IQSEC1: variants seen among roughly 807,000 people sequenced by gnomAD.
IQSEC1 encodes IQ motif and Sec7 domain ArfGEF 1, also known as IQ motif and SEC7 domain-containing protein 1.
IQSEC1 carries 31 observed loss-of-function variants against 91.0 expected under a neutral mutation model. That is an observed-to-expected ratio of 0.34 (90% CI 0.26 to 0.46). The LOEUF (loss-of-function observed/expected upper bound fraction) is 0.46. Ranked by LOEUF, IQSEC1 falls within the 20% of genes least tolerant of loss-of-function variation. The pLI is 1.00. For missense variants in IQSEC1, 1,388 were observed against 1,575.6 expected (o/e 0.88, Z 2.02); for synonymous variants, 699 against 662.6 (o/e 1.05, Z -0.84).
At chr3:13,090,148 G>A (rs1000953256) in intron 2 of IQSEC1, among the ~76,000 whole-genome samples, 1 of 152,006 alleles carries the variant, frequency 6.6e-6, no homozygotes, top group Non-Finnish European at 1.5e-5. Flanking sequence ...AACCTGGGAG[G>A]CGGAGCTTGC....
In IQSEC1 at chr3:12,909,920, C is replaced by T. The variant is rs746716753; in HGVS notation, c.2417-486G>A. Among the ~76,000 whole-genome samples, 19 of 152,194 alleles carry T rather than the reference C, an allele frequency of 1.2e-4. No homozygotes were observed. The highest frequency in any genetic ancestry group is 2.5e-4 in the Non-Finnish European group (17 of 68,036). Reference sequence around the variant, plus strand: ...GGGCTTTGGTCTCCTGGCGGTGCTGCTCCGGCAGTGGGAGTCACTGGCAGA... The same window carrying T: ...GGGCTTTGGTCTCCTGGCGGTGCTGTTCCGGCAGTGGGAGTCACTGGCAGA... On this transcript the variant is annotated intron_variant, in intron 10 of 13. Coordinates refer to ENST00000613206, the MANE Select transcript of IQSEC1 (RefSeq NM_001134382.3). The surrounding 1 kb of genome is among the most constrained non-coding windows in gnomAD (Gnocchi z 4.9).
intron 1 of IQSEC1, among the ~76,000 whole-genome samples, chr3:13,165,806 C>T (rs1693484281): frequency 6.6e-6 from 1 of 152,032 alleles, no homozygotes; most frequent in African/African-American, 2.4e-5. Flanking sequence ...GCAGAGCCAC[C>T]AGCCACACTG....
intron 1 of IQSEC1, among the ~76,000 whole-genome samples, chr3:13,067,609 C>T (rs973763936): frequency 6.6e-6 from 1 of 152,242 alleles, no homozygotes; most frequent in African/African-American, 2.4e-5. Context: ...CCCCCAACAC[C>T]TGGGCCCCCT....
At chr3:12,942,187 G>A (rs1300225273) in intron 1 of IQSEC1, among the ~76,000 whole-genome samples, 7 of 152,344 alleles carry the variant, frequency 4.6e-5, no homozygotes, top group South Asian at 2.1e-4. Context: ...CCACTGGGTC[G>A]CTGATCACCC....
At chr3:12,999,020 T>A (rs1271315423) in intron 1 of IQSEC1, among the ~76,000 whole-genome samples, 1 of 152,188 alleles carries the variant, frequency 6.6e-6, no homozygotes, top group East Asian at 1.9e-4. Flanking sequence ...CATTTAAGTA[T>A]TTTTTGCATG....
At chr3:13,099,361 A>T (rs968734940) in intron 2 of IQSEC1, among the ~76,000 whole-genome samples, 1 of 152,232 alleles carries the variant, frequency 6.6e-6, no homozygotes, top group African/African-American at 2.4e-5. Flanking sequence ...AGAATTTGAC[A>T]AATTTAAATC....
intron 1 of IQSEC1, among the ~76,000 whole-genome samples, chr3:13,197,600 C>CA (rs948662559): frequency 1.3e-5 from 2 of 152,232 alleles, no homozygotes; most frequent in Non-Finnish European, 2.9e-5. Flanking sequence ...AGCATCTTGA[C>CA]AGAGTCCAGA....
intron 3 of IQSEC1, among the ~76,000 whole-genome samples, chr3:12,928,452 A>C (rs1382002336): frequency 6.6e-6 from 1 of 152,146 alleles, no homozygotes; most frequent in Non-Finnish European, 1.5e-5. Flanking sequence ...CTGCAGCTGG[A>C]CAGCCAGGGC....
chr3:13,109,193 T>C (rs1474073657), intron 2 of IQSEC1, among the ~76,000 whole-genome samples: 1 of 152,168 alleles, frequency 6.6e-6, no homozygotes, highest in Non-Finnish European at 1.5e-5. Context: ...AGGTGGAGGC[T>C]GTGACATAAG....
At position 12,967,710 on chromosome 3, in the gene IQSEC1, G is replaced by A. The variant is rs1429838367; in HGVS notation, c.24-25845C>T. 2 of 1,120,494 alleles carry A rather than the reference G, an allele frequency of 1.8e-6. No individual in the cohort carries two copies. The highest frequency in any genetic ancestry group is 2.2e-6 in the Non-Finnish European group (2 of 918,424). 69.4% of individuals were successfully genotyped at this position (1,120,494 alleles called of 1,614,324 possible). A position where few individuals can be genotyped will look rare whatever the true frequency, so the allele number is the denominator to read the frequency against. On this transcript the variant is annotated intron_variant, in intron 1 of 13. Coordinates refer to ENST00000613206, the MANE Select transcript of IQSEC1 (RefSeq NM_001134382.3). The surrounding 1 kb of genome is among the most constrained non-coding windows in gnomAD (Gnocchi z 5.9). ...GCTTGGCGCAGCGCGAGGCCGGGCC[G>A]GAGGAATGTGGCCCTGAAGTGGGCG...
In IQSEC1 at chr3:12,909,210, T is replaced by C. The variant is rs1695322971; in HGVS notation, c.2578+63A>G. The C allele has an allele frequency of 2.6e-6, 4 of 1,553,414 alleles. No individual in the cohort carries two copies. Among genetic ancestry groups the C allele is most frequent in the Non-Finnish European group, 3.5e-6 (4 of 1,132,038 alleles). ...GAGCTCAGAAGTCACTGCCCTGACA[T>C]GGGGAGGCAAGTGCCAGAGTCTGGC... On this transcript the variant is annotated intron_variant, in intron 11 of 13. Transcript: ENST00000613206. This position sits in a 1 kb window ranked among gnomAD's most constrained non-coding sequence, Gnocchi z 4.9.
Position 13,145,808 on chromosome 3 carries a change from G to GT in IQSEC1, c.302+18295_302+18296insA, listed in dbSNP as rs967018781. 2.2e-5 allele frequency among the ~76,000 whole-genome samples: 3 copies of GT among 135,544 alleles called. 1 individual carries two copies. Among genetic ancestry groups the GT allele is most frequent in the Admixed American group, 1.4e-4 (2 of 13,828 alleles). 88.9% of individuals were successfully genotyped at this position (135,544 alleles called of 152,430 possible). A position where few individuals can be genotyped will look rare whatever the true frequency, so the allele number is the denominator to read the frequency against. On this transcript the variant is annotated intron_variant, in intron 2 of 15. Coordinates refer to the IQSEC1 transcript ENST00000648114. Reference sequence around the variant, plus strand: ...GTGAACCTGGGCGCCCGGGGGCGGGGGGGGGGGGTCCTGATCATTGGGAAC... The same window carrying GT: ...GTGAACCTGGGCGCCCGGGGGCGGGGTGGGGGGGGTCCTGATCATTGGGAAC...
intron 1 of IQSEC1, among the ~76,000 whole-genome samples, chr3:13,277,106 TAAAAAAAAAAAAAAAAAA>T (rs4034193): frequency 2.8e-5 from 1 of 35,974 alleles, no homozygotes; most frequent in African/African-American, 1.3e-4. Context: ...TGCTCCTCCT[TAAAAAAAAAAAAAAAAAA>T]AAAAAAAAAA....
chr3:13,230,703 C>G (rs1156548966), intron 1 of IQSEC1, among the ~76,000 whole-genome samples: 2 of 152,244 alleles, frequency 1.3e-5, no homozygotes, highest in African/African-American at 4.8e-5. Flanking sequence ...ATGGAAAGCT[C>G]TGCCCTTGTC....
At chr3:12,902,868 T>A in intron 12 of IQSEC1, 46 bp from the exon 13 acceptor site, 1 of 1,417,188 alleles carries the variant, frequency 7.1e-7, no homozygotes, top group Non-Finnish European at 1.0e-6. Flanking sequence ...GACATGAGGC[T>A]GGGGGTGCTG....
chr3:13,226,523 A>AG (rs1398097872), intron 1 of IQSEC1, among the ~76,000 whole-genome samples: 2 of 151,896 alleles, frequency 1.3e-5, no homozygotes, highest in Admixed American at 6.6e-5. Context: ...AGGCCAAGGC[A>AG]GGAGGATTGC....
chr3:13,241,448 C>T (rs754127038), intron 1 of IQSEC1, among the ~76,000 whole-genome samples: 1 of 152,342 alleles, frequency 6.6e-6, no homozygotes, highest in Middle Eastern at 3.4e-3. Context: ...TCCGCTGTGA[C>T]GTCCTTTAAC....
chr3:13,011,169 G>T (rs913125938), intron 1 of IQSEC1, among the ~76,000 whole-genome samples: 1 of 152,010 alleles, frequency 6.6e-6, no homozygotes, highest in Admixed American at 6.5e-5. Flanking sequence ...ATTCAAACTT[G>T]GTTTTAACAC....
intron 3 of IQSEC1, among the ~76,000 whole-genome samples, chr3:12,931,394 G>A (rs921574629): frequency 1.3e-5 from 2 of 152,242 alleles, no homozygotes; most frequent in East Asian, 3.8e-4. Flanking sequence ...CTTCTGGTGT[G>A]TGGCCTTGAG....
Sources: gnomAD v4.1 joint callset for allele counts (sites outside exome capture counted in the v4.1 genomes callset) on GRCh38, gnomAD v4.1.1 for gene constraint, Gnocchi (gnomAD v3.1) non-coding constraint, MANE v1.5 for transcripts, NCBI Gene and HGNC (gene_info 2026-07-23, HGNC 2026-07-21) for gene names.